The following CMTM4 variants were observed in gnomAD, a reference collection of about 807,000 sequenced individuals.
CMTM4 encodes CKLF-like MARVEL transmembrane domain-containing protein 4.
Under a neutral mutation model 19.0 loss-of-function variants are expected in CMTM4, and 8 were observed. The observed-to-expected ratio is 0.42, with a 90% CI of 0.25 to 0.76. The LOEUF is 0.76. Among genes scored for constraint, CMTM4 ranks in the 30% least tolerant of loss-of-function variants. CMTM4 has a pLI of 0.27. For synonymous variants in CMTM4, 106 were observed against 121.1 expected, an observed-to-expected ratio of 0.88 and a Z score of 0.82; for missense variants, 228 against 290.2, an observed-to-expected ratio of 0.79 and a Z score of 1.56.
rs11328076 is a variant in CMTM4, at chr16:66,667,975, G to GT, written c.186+28364dup. ...AACCAAAACTTTTCCCTGTTTTTTT[G>GT]TTTTTTTTGTGAGTTTTTTGTTTGT... is the stretch of plus-strand genomic sequence containing the variant. On this transcript the variant is annotated intron_variant, in intron 1 of 3. Coordinates refer to ENST00000394106, the MANE Select transcript of CMTM4 (RefSeq NM_181521.3). Among the ~76,000 whole-genome samples the GT allele has an allele frequency of 2.5e-4, 37 of 150,910 alleles. 1 individual carries two copies. Among genetic ancestry groups the GT allele is most frequent in the Non-Finnish European group, 3.5e-4 (24 of 67,658 alleles).
chr16:66,670,165 G>A (rs1254536669), intron 1 of CMTM4, among the ~76,000 whole-genome samples: 10 of 151,952 alleles, frequency 6.6e-5, no homozygotes, highest in African/African-American at 9.7e-5. Context: ...TGTGCACTTC[G>A]GCCGGGCACG....
At chr16:66,677,593 G>A (rs892735398) in intron 1 of CMTM4, among the ~76,000 whole-genome samples, 3 of 152,184 alleles carry the variant, frequency 2.0e-5, no homozygotes, top group Non-Finnish European at 2.9e-5. Flanking sequence ...CCAACCCTAT[G>A]GTGACAGGTA....
chr16:66,608,599 G>C, the CMTM4 span: 2 of 825,082 alleles, frequency 2.4e-6, no homozygotes, highest in Non-Finnish European at 3.7e-6. This position sits in a 1 kb window ranked among gnomAD's most constrained non-coding sequence, Gnocchi z 5.1. Context: ...TGGATGGAGA[G>C]ACCCAGCTTC....
chr16:66,629,351 T>A (rs1031337165), intron 2 of CMTM4, among the ~76,000 whole-genome samples: 2 of 152,122 alleles, frequency 1.3e-5, no homozygotes, highest in African/African-American at 4.8e-5. Flanking sequence ...ACAATTATAA[T>A]GTTGATGACA....
chr16:66,660,031 T>A (rs112866069), intron 1 of CMTM4, among the ~76,000 whole-genome samples: 2 of 152,212 alleles, frequency 1.3e-5, no homozygotes, highest in African/African-American at 4.8e-5. Context: ...AAAGAAGATA[T>A]ATAGATGGCA....
intron 1 of CMTM4, among the ~76,000 whole-genome samples, chr16:66,659,859 T>C (rs1443181331): frequency 6.6e-6 from 1 of 152,220 alleles, no homozygotes; most frequent in Admixed American, 6.5e-5. Context: ...TGGGCACTTG[T>C]ACTATTATCT....
intron 1 of CMTM4, among the ~76,000 whole-genome samples, chr16:66,648,980 A>T (rs921024225): frequency 6.6e-6 from 1 of 152,180 alleles, no homozygotes; most frequent in Non-Finnish European, 1.5e-5. Context: ...AAAAAAAGAA[A>T]AGAAAAGGAA....
intron 1 of CMTM4, among the ~76,000 whole-genome samples, chr16:66,654,058 T>C (rs2016357750): frequency 6.6e-6 from 1 of 152,156 alleles, no homozygotes; most frequent in Non-Finnish European, 1.5e-5. Context: ...AATTAAGATA[T>C]AATTCACACA....
At chr16:66,677,974 A>C (rs532228214) in intron 1 of CMTM4, among the ~76,000 whole-genome samples, 1 of 152,314 alleles carries the variant, frequency 6.6e-6, no homozygotes, top group African/African-American at 2.4e-5. Flanking sequence ...CTGGAAGTAC[A>C]GGTATGAGCC....
At chr16:66,598,179 G>A in the CMTM4 span, among the ~76,000 whole-genome samples, 4 of 152,076 alleles carry the variant, frequency 2.6e-5, no homozygotes, top group Non-Finnish European at 5.9e-5. Flanking sequence ...CTTCCTTACC[G>A]GAGGCATGTA....
chr16:66,685,054 T>C (rs1388261371), intron 1 of CMTM4, among the ~76,000 whole-genome samples: 1 of 152,212 alleles, frequency 6.6e-6, no homozygotes, highest in Non-Finnish European at 1.5e-5. Flanking sequence ...TCAGGGTATA[T>C]TGTGAGCACA....
At chr16:66,610,216 G>C (rs2015325488), downstream of CMTM4, among the ~76,000 whole-genome samples, 1 of 152,180 alleles carries the variant, frequency 6.6e-6, no homozygotes, top group African/African-American at 2.4e-5. The surrounding 1 kb of genome is among the most constrained non-coding windows in gnomAD (Gnocchi z 4.6). Context: ...TTTCTAGGAG[G>C]GGCAAGCAGT....
chr16:66,633,019 A>G (rs2015906138), intron 2 of CMTM4, among the ~76,000 whole-genome samples: 1 of 150,876 alleles, frequency 6.6e-6, no homozygotes, highest in Admixed American at 6.6e-5. Context: ...TGGGAGGTGG[A>G]GGTTGCGTTG....
rs1245208702 is a variant in CMTM4 at position 66,696,573 on chromosome 16, G to A, written c.-48C>T. On this transcript the variant is annotated 5_prime_UTR_variant, in exon 1 of 4. Coordinates refer to ENST00000394106, the MANE Select transcript of CMTM4 (RefSeq NM_181521.3). This position sits in a 1 kb window ranked among gnomAD's most constrained non-coding sequence, Gnocchi z 4.3. Reference sequence around the variant, plus strand: ...CTCGCGCGGCTGGCTCCCGGCGCCAGGAGCGGGCGGACTCAGCGGGGCCGC... The same window carrying A: ...CTCGCGCGGCTGGCTCCCGGCGCCAAGAGCGGGCGGACTCAGCGGGGCCGC... 2 of 1,113,960 alleles carry A rather than the reference G, an allele frequency of 1.8e-6. No individual in the cohort carries two copies. The highest frequency in any genetic ancestry group is 1.1e-6 in the Non-Finnish European group (1 of 908,938). 69.0% of individuals were successfully genotyped at this position (1,113,960 alleles called of 1,614,324 possible). A position where few individuals can be genotyped will look rare whatever the true frequency, so the allele number is the denominator to read the frequency against.
chr16:66,691,481 G>C (rs2017133792), intron 1 of CMTM4, among the ~76,000 whole-genome samples: 1 of 152,068 alleles, frequency 6.6e-6, no homozygotes, highest in African/African-American at 2.4e-5. Context: ...AGGAAGGATT[G>C]CTTGAGCTCA....
intron 1 of CMTM4, among the ~76,000 whole-genome samples, chr16:66,650,922 C>G (rs889069002): frequency 1.3e-5 from 2 of 152,162 alleles, no homozygotes; most frequent in Non-Finnish European, 2.9e-5. Context: ...CGCGCACACA[C>G]AGCAGGGTTC....
Position 66,696,513 on chromosome 16 carries a change from C to A in CMTM4, c.13G>T (p.Glu5Ter). The A allele has an allele frequency of 8.3e-7, 1 of 1,206,996 alleles. No individual in the cohort carries two copies. Among genetic ancestry groups the A allele is most frequent in the Non-Finnish European group, 1.0e-6 (1 of 971,252 alleles). 74.8% of individuals were successfully genotyped at this position (1,206,996 alleles called of 1,614,324 possible). A position where few individuals can be genotyped will look rare whatever the true frequency, so the allele number is the denominator to read the frequency against. Residue 5 changes from glutamate to a stop codon, truncating the protein, a stop_gained, in exon 1 of 4, where the codon GAG (glutamate) becomes TAG (stop). Coordinates refer to ENST00000394106, the MANE Select transcript of CMTM4 (RefSeq NM_181521.3). LOFTEE classifies it high-confidence loss of function. The surrounding 1 kb of genome is among the most constrained non-coding windows in gnomAD (Gnocchi z 4.3). MRSG[E>*]ELDGFEGEAS... is the part of the protein sequence containing the mutation. ...TCGCCCTCGAAGCCGTCCAGCTCCT[C>A]GCCGCTCCGCATGCTGCCGCCCGGC...
intron 1 of CMTM4, among the ~76,000 whole-genome samples, chr16:66,683,580 A>ATTTT (rs529378702): frequency 1.3e-5 from 2 of 150,824 alleles, no homozygotes; most frequent in Admixed American, 6.6e-5. Flanking sequence ...CGCCCGGCCC[A>ATTTT]TTTTTTTTCT....
intron 1 of CMTM4, among the ~76,000 whole-genome samples, chr16:66,655,499 CT>C (rs2016381705): frequency 6.6e-6 from 1 of 150,702 alleles, no homozygotes; most frequent in Non-Finnish European, 1.5e-5. Flanking sequence ...GGTAAAATGC[CT>C]GAGGTCTAGG....
Sources: gnomAD v4.1 joint callset for allele counts (sites outside exome capture counted in the v4.1 genomes callset) on GRCh38, gnomAD v4.1.1 for gene constraint, Gnocchi (gnomAD v3.1) non-coding constraint, MANE v1.5 for transcripts, NCBI Gene and HGNC (gene_info 2026-07-23, HGNC 2026-07-21) for gene names.